Variants in ZBTB40 observed in about 807,000 individuals in gnomAD.
ZBTB40 encodes zinc finger and BTB domain containing 40, also known as zinc finger and BTB domain-containing protein 40.
A neutral mutation model predicts 117.5 loss-of-function variants in ZBTB40; 60 were observed. That is an observed-to-expected ratio of 0.51 (90% confidence interval 0.41 to 0.63). ZBTB40 has a LOEUF of 0.63. ZBTB40 is among the 30% of genes least tolerant of loss of function. The pLI is 0.00. For missense variants in ZBTB40, 1,287 were observed against 1,498.5 expected, an observed-to-expected ratio of 0.86 and a Z score of 2.33; for synonymous variants, 525 against 577.1, an observed-to-expected ratio of 0.91 and a Z score of 1.29.
rs1461649242 is a variant in ZBTB40 at position 22,513,601 on chromosome 1, T to C, written c.2668+471T>C. On this transcript the variant is annotated intron_variant, in intron 12 of 17. Coordinates refer to ENST00000375647, the MANE Select transcript of ZBTB40 (RefSeq NM_014870.4). The surrounding 1 kb of genome is among the most constrained non-coding windows in gnomAD (Gnocchi z 4.9). ...CTGGAGTCTCAGCTACTCGGGAGGCTGAGGCAGGAGAATGGTGTGAACCTG... is the reference window on the plus strand; with the variant it reads ...CTGGAGTCTCAGCTACTCGGGAGGCCGAGGCAGGAGAATGGTGTGAACCTG... 6.6e-6 allele frequency among the ~76,000 whole-genome samples: 1 copy of C among 152,150 alleles called. No homozygotes were observed. Among genetic ancestry groups the C allele is most frequent in the Admixed American group, 6.5e-5 (1 of 15,284 alleles).
At chr1:22,448,211 C>T (rs1200882320), upstream of ZBTB40, among the ~76,000 whole-genome samples, 1 of 152,164 alleles carries the variant, frequency 6.6e-6, no homozygotes, top group African/African-American at 2.4e-5. Flanking sequence ...CAAATGAGTT[C>T]ATTTTAATAA....
intron 13 of ZBTB40, among the ~76,000 whole-genome samples, chr1:22,519,000 T>A (rs1272041867): frequency 6.6e-6 from 1 of 152,154 alleles, no homozygotes; most frequent in Non-Finnish European, 1.5e-5. Context: ...GGCCCCCCTC[T>A]CTCTCCCATT....
chr1:22,496,493 A>G (rs1322406897), intron 3 of ZBTB40, among the ~76,000 whole-genome samples: 1 of 152,236 alleles, frequency 6.6e-6, no homozygotes, highest in Non-Finnish European at 1.5e-5. Flanking sequence ...CGCAAGGAAC[A>G]CCAGACCAGC....
chr1:22,461,038 T>C (rs989394324), intron 1 of ZBTB40, among the ~76,000 whole-genome samples: 7 of 152,354 alleles, frequency 4.6e-5, no homozygotes, highest in Middle Eastern at 3.4e-3. Flanking sequence ...TTTGAATACT[T>C]ACCTCCTAGT....
intron 7 of ZBTB40, 147 bp downstream of exon 7, chr1:22,508,284 C>A: frequency 9.2e-7 from 1 of 1,091,716 alleles, no homozygotes; most frequent in Non-Finnish European, 1.3e-6. Context: ...TAGAAGGTAT[C>A]TCAGTTTCTA....
intron 1 of ZBTB40, among the ~76,000 whole-genome samples, chr1:22,434,924 G>T (rs530860295): frequency 6.6e-6 from 1 of 152,114 alleles, no homozygotes; most frequent in African/African-American, 2.4e-5. Context: ...TGGTATGTTT[G>T]CTGGGAGTTA....
rs150158117 is a variant in ZBTB40, at chr1:22,511,882, A to C, written c.2209A>C (p.Ile737Leu). 35 of 1,614,104 alleles carry C rather than the reference A, an allele frequency of 2.2e-5. No homozygotes were observed. Among genetic ancestry groups the C allele is most frequent in the Non-Finnish European group, 3.0e-5 (35 of 1,180,028 alleles). ...CCCAGACCCTGCCAAGAAGAGCTTC[A>C]TCTGTAAGGCCTGCGACAAAAGCTT... is the stretch of plus-strand genomic sequence containing the variant. Reference protein sequence around the residue: ...ASPDPAKKSFICKACDKSFHF... With the variant: ...ASPDPAKKSFLCKACDKSFHF... The change falls in exon 11 of 18, where the codon ATC (isoleucine) becomes CTC (leucine). Residue 737 changes from isoleucine (I) to leucine (L), a missense_variant. By Grantham distance (5) the Ile-to-Leu change is conservative. Coordinates refer to ENST00000375647, the MANE Select transcript of ZBTB40 (RefSeq NM_014870.4).
At chr1:22,469,243 T>G (rs1641340484) in intron 1 of ZBTB40, among the ~76,000 whole-genome samples, 1 of 152,254 alleles carries the variant, frequency 6.6e-6, no homozygotes, top group South Asian at 2.1e-4. Context: ...TATTGATCAT[T>G]TGTGAATTTC....
At chr1:22,438,671 C>G (rs751000138) in intron 1 of ZBTB40, among the ~76,000 whole-genome samples, 1 of 152,120 alleles carries the variant, frequency 6.6e-6, no homozygotes, top group Non-Finnish European at 1.5e-5. Flanking sequence ...CACAACCTTG[C>G]CAACACTTAC....
At chr1:22,493,794 GT>G (rs377507956) in intron 3 of ZBTB40, among the ~76,000 whole-genome samples, 194 of 133,728 alleles carry the variant, frequency 1.5e-3, no homozygotes, top group South Asian at 7.5e-3. Context: ...ATTCACCCAT[GT>G]TTTTTTTTTT....
chr1:22,508,193 A>C, intron 7 of ZBTB40, 56 bp downstream of exon 7: 1 of 1,569,832 alleles, frequency 6.4e-7, no homozygotes, highest in Non-Finnish European at 8.7e-7. Context: ...AGAAGGAAAA[A>C]ATATGAATAC....
intron 1 of ZBTB40, among the ~76,000 whole-genome samples, chr1:22,482,035 A>G (rs1252123775): frequency 1.3e-5 from 2 of 152,002 alleles, no homozygotes; most frequent in African/African-American, 2.4e-5. Flanking sequence ...TAAAAATTCC[A>G]GTCGCCTACT....
intron 1 of ZBTB40, chr1:22,452,657 A>G (rs1640908898): frequency 6.6e-6 from 1 of 152,294 alleles, no homozygotes; most frequent in Non-Finnish European, 1.5e-5. Flanking sequence ...GGTCCCTTAC[A>G]GCAAAAGTTT....
intron 1 of ZBTB40, among the ~76,000 whole-genome samples, chr1:22,439,375 A>C (rs1640706992): frequency 6.6e-6 from 1 of 151,482 alleles, no homozygotes; most frequent in African/African-American, 2.4e-5. Context: ...TTTTTCTTTT[A>C]TTGTCTGTGC....
chr1:22,523,430 T>C (rs1437487775), intron 16 of ZBTB40, among the ~76,000 whole-genome samples: 1 of 152,170 alleles, frequency 6.6e-6, no homozygotes, highest in Non-Finnish European at 1.5e-5. Context: ...ATAAAAAAAC[T>C]GATTAAGGGA....
rs185992272 is a variant in ZBTB40 at position 22,461,461 on chromosome 1, T to C, written c.-70+9457T>C. Among the ~76,000 whole-genome samples the C allele has an allele frequency of 3.6e-3, 550 of 152,226 alleles. 1 individual carries two copies. Among genetic ancestry groups the C allele is most frequent in the Non-Finnish European group, 3.2e-3 (217 of 68,010 alleles). On this transcript the variant is annotated intron_variant, in intron 1 of 17. Transcript: ENST00000375647. Reference sequence around the variant, plus strand: ...AACATTAACAGCAATAGAGAAGTTATCCTCTTTTACGTTTTTTTGTTAGCT... The same window carrying C: ...AACATTAACAGCAATAGAGAAGTTACCCTCTTTTACGTTTTTTTGTTAGCT...
At chr1:22,446,248 G>A (rs201191069) in intron 1 of ZBTB40, among the ~76,000 whole-genome samples, 264 of 1,818 alleles carry the variant, frequency 0.15, no homozygotes, top group Non-Finnish European at 0.37. Flanking sequence ...GAGAAAAAAA[G>A]ACAGAAAAAC....
rs115342658 is a variant in ZBTB40, at chr1:22,429,406, C to G, written c.-70+392C>G. On this transcript the variant is annotated intron_variant, in intron 1 of 8. Coordinates refer to the ZBTB40 transcript ENST00000650433. ...AAAAAAAAAAAGAAAGAAATTCTTA[C>G]TGATCGCAAAGTCACAAAGGCATTT... Among the ~76,000 whole-genome samples the G allele has an allele frequency of 6.3e-3, 947 of 149,412 alleles. 9 individuals carry two copies. The highest frequency in any genetic ancestry group is 0.022 in the African/African-American group (872 of 38,936).
chr1:22,493,768 G>A (rs984959622), intron 3 of ZBTB40, among the ~76,000 whole-genome samples: 23 of 150,600 alleles, frequency 1.5e-4, no homozygotes, highest in African/African-American at 5.6e-4. Context: ...CTTTCATTGA[G>A]CGTAAGTATC....
Sources: allele counts gnomAD v4.1 joint callset (sites outside exome capture counted in the v4.1 genomes callset), GRCh38; gene constraint gnomAD v4.1.1; non-coding constraint Gnocchi (gnomAD v3.1); transcripts MANE v1.5; gene names NCBI Gene and HGNC (gene_info 2026-07-23, HGNC 2026-07-21).